Variants in VMP1 observed in about 807,000 individuals in gnomAD.
The protein encoded by VMP1 is vacuole membrane protein 1.
A neutral mutation model predicts 56.0 loss-of-function variants in VMP1; 11 were observed. That is an observed-to-expected ratio of 0.20 (90% CI 0.12 to 0.32). VMP1 has a LOEUF of 0.32. VMP1 is among the 10% of genes least tolerant of loss of function. The pLI is 1.00. For synonymous variants in VMP1, 149 were observed against 165.0 expected (o/e 0.90, Z 0.74); for missense variants, 296 against 490.3 (o/e 0.60, Z 3.74).
At chr17:59,718,162 T>G (rs529139308) in intron 1 of VMP1, among the ~76,000 whole-genome samples, 19 of 148,980 alleles carry the variant, frequency 1.3e-4, no homozygotes, top group African/African-American at 1.7e-4. Flanking sequence ...CTGACTGACT[T>G]CCTTTCTTCC....
intron 5 of VMP1, among the ~76,000 whole-genome samples, chr17:59,762,031 T>G (rs2036073795): frequency 6.6e-6 from 1 of 152,216 alleles, no homozygotes; most frequent in Admixed American, 6.5e-5. Flanking sequence ...AATGTATGGT[T>G]TCTTCATTTT....
At chr17:59,771,610 T>TG (rs2036427902) in intron 6 of VMP1, among the ~76,000 whole-genome samples, 1 of 147,720 alleles carries the variant, frequency 6.8e-6, no homozygotes, top group Admixed American at 6.7e-5. Context: ...TTTTTGGTTT[T>TG]TTTTTTTTTT....
intron 10 of VMP1, among the ~76,000 whole-genome samples, chr17:59,822,019 T>A (rs2144278042): frequency 6.6e-6 from 1 of 152,084 alleles, no homozygotes; most frequent in South Asian, 2.1e-4. Flanking sequence ...ATTTTTATAT[T>A]TTTAGTAGAG....
chr17:59,761,192 C>T (rs1301234033), intron 5 of VMP1, among the ~76,000 whole-genome samples: 2 of 152,222 alleles, frequency 1.3e-5, no homozygotes, highest in Non-Finnish European at 2.9e-5. Context: ...TGAGCCACCG[C>T]ACCCAGCCCA....
At chr17:59,838,600 T>A in intron 11 of VMP1, 1 of 567,918 alleles carries the variant, frequency 1.8e-6, no homozygotes. Flanking sequence ...CATCTTCTCC[T>A]AAAAACAAGG....
chr17:59,721,417 T>C (rs2034391753), intron 1 of VMP1, among the ~76,000 whole-genome samples: 1 of 152,214 alleles, frequency 6.6e-6, no homozygotes, highest in African/African-American at 2.4e-5. Context: ...CTAAAACTAG[T>C]AAGTCAGGAC....
intron 9 of VMP1, among the ~76,000 whole-genome samples, chr17:59,816,954 A>G (rs1321837507): frequency 2.0e-5 from 3 of 146,914 alleles, no homozygotes; most frequent in Non-Finnish European, 3.0e-5. Flanking sequence ...TCAAAAAAAA[A>G]AAAAGAAAAA....
chr17:59,788,316 G>A (rs1329805503), intron 7 of VMP1, among the ~76,000 whole-genome samples: 4 of 150,540 alleles, frequency 2.7e-5, no homozygotes, highest in African/African-American at 9.8e-5. Flanking sequence ...GTGAAACACC[G>A]TCTCTACTAA....
chr17:59,726,291 G>GTTTTTTTTTTTTT (rs541555827), intron 1 of VMP1, among the ~76,000 whole-genome samples: 1 of 145,058 alleles, frequency 6.9e-6, no homozygotes, highest in African/African-American at 2.6e-5. Context: ...AGTTTTTTTT[G>GTTTTTTTTTTTTT]TTTTTTTTTT....
At chr17:59,748,546 T>C (rs2035519114) in intron 5 of VMP1, among the ~76,000 whole-genome samples, 1 of 152,166 alleles carries the variant, frequency 6.6e-6, no homozygotes, top group South Asian at 2.1e-4. Flanking sequence ...ATAATAATAG[T>C]ACCCATCTCA....
At chr17:59,814,369 C>T (rs1347606767) in intron 9 of VMP1, among the ~76,000 whole-genome samples, 1 of 152,144 alleles carries the variant, frequency 6.6e-6, no homozygotes, top group Non-Finnish European at 1.5e-5. Flanking sequence ...TTACTATACC[C>T]ATTTTGTAAT....
At chr17:59,809,002 C>A (rs572977371) in intron 8 of VMP1, 126 bp downstream of exon 8, 3 of 759,336 alleles carry the variant, frequency 4.0e-6, no homozygotes, top group Non-Finnish European at 6.0e-6. Flanking sequence ...GAATCATTCA[C>A]CTTTTTTTTT....
At chr17:59,819,112 G>A (rs1348577784) in intron 10 of VMP1, among the ~76,000 whole-genome samples, 3 of 152,052 alleles carry the variant, frequency 2.0e-5, no homozygotes, top group Admixed American at 2.0e-4. Flanking sequence ...GTACTCAGTG[G>A]AGCCAGTCAT....
chr17:59,841,923 T>G lies in VMP1; in HGVS notation c.*2012T>G, dbSNP rs889962710. On this transcript the variant is annotated 3_prime_UTR_variant, in exon 12 of 12. Coordinates refer to ENST00000262291, the MANE Select transcript of VMP1 (RefSeq NM_030938.5). The stretch of plus-strand genomic sequence containing the variant: ...TAGGTTGAAGGTCTAATTGATACGT[T>G]TGACTTATGATGACCATTTATGCAC... 1.3e-5 allele frequency: 2 copies of G among 152,248 alleles called. No individual in the cohort carries two copies. Among genetic ancestry groups the G allele is most frequent in the Admixed American group, 6.5e-5 (1 of 15,280 alleles). The allele number at this position is 152,248 out of a possible 1,614,324, so 9.4% of individuals were successfully genotyped here.
intron 1 of VMP1, among the ~76,000 whole-genome samples, chr17:59,723,695 G>C (rs2034484691): frequency 2.0e-5 from 3 of 152,082 alleles, no homozygotes; most frequent in Admixed American, 6.6e-5. Flanking sequence ...TTTCTGGTGA[G>C]AATAAAGGGG....
intron 1 of VMP1, among the ~76,000 whole-genome samples, chr17:59,709,299 T>C (rs529261775): frequency 1.3e-5 from 2 of 152,340 alleles, no homozygotes; most frequent in African/African-American, 4.8e-5. Context: ...TTATCCAGTT[T>C]TTCTCACTTT....
chr17:59,776,060 A>C (rs1315196557), intron 7 of VMP1, among the ~76,000 whole-genome samples: 1 of 152,064 alleles, frequency 6.6e-6, no homozygotes, highest in Non-Finnish European at 1.5e-5. Context: ...AAAAAATGAA[A>C]AATTAGCTGT....
At chr17:59,831,660 G>A (rs1357781869) in intron 10 of VMP1, among the ~76,000 whole-genome samples, 1 of 121,550 alleles carries the variant, frequency 8.2e-6, no homozygotes, top group African/African-American at 3.2e-5. Context: ...CAAGAAGTTT[G>A]TCTTAGGTCT....
At chr17:59,838,440 G>A (rs768792230) in intron 11 of VMP1, 43 bp downstream of exon 11, 70 of 1,597,456 alleles carry the variant, frequency 4.4e-5, no homozygotes, top group South Asian at 3.6e-4. Context: ...GGGAAGTTTC[G>A]GGCTGAAATT....
Sources: gnomAD v4.1 joint callset for allele counts (sites outside exome capture counted in the v4.1 genomes callset) on GRCh38, gnomAD v4.1.1 for gene constraint, MANE v1.5 for transcripts, NCBI Gene and HGNC (gene_info 2026-07-23, HGNC 2026-07-21) for gene names.